AKAP12: variants seen among roughly 807,000 people sequenced by gnomAD.
The protein encoded by AKAP12 is A-kinase anchoring protein 12, also known as A-kinase anchor protein 12.
In AKAP12, 32 loss-of-function variants were observed where a neutral mutation model predicts 79.9. That is an observed-to-expected ratio of 0.40 (90% CI 0.30 to 0.54). The LOEUF is 0.54. AKAP12 is among the 20% of genes least tolerant of loss of function. The pLI, the probability that AKAP12 is intolerant of heterozygous loss-of-function variation, is 0.48. For synonymous variants in AKAP12, 808 were observed against 857.0 expected, an observed-to-expected ratio of 0.94 and a Z score of 1.00; for missense variants, 2,074 against 2,177.0, an observed-to-expected ratio of 0.95 and a Z score of 0.94.
intron 3 of AKAP12, among the ~76,000 whole-genome samples, chr6:151,332,033 G>GTTGTTTTTTTTT (rs1303327962): frequency 6.3e-5 from 5 of 79,680 alleles, no homozygotes; most frequent in Middle Eastern, 8.8e-3. Flanking sequence ...TTCTGGGTCT[G>GTTGTTTTTTTTT]TTTTTTTTTT....
Position 151,353,368 on chromosome 6 carries a change from C to T in AKAP12, c.4977C>T (p.Val1659=), listed in dbSNP as rs200457723. The T allele has an allele frequency of 1.1e-5, 18 of 1,614,072 alleles. No individual in the cohort carries two copies. The highest frequency in any genetic ancestry group is 1.1e-4 in the African/African-American group (8 of 75,026). ...TAAATGATCAGCAGCTGGAAGAGGT[C>T]GTCCTCCCATCTGAGGAAGAGGGAG... ...STVNDQQLEE[V]VLPSEEEGGG... Residue 1659 remains valine, a synonymous_variant, in exon 4 of 5, where the codon GTC becomes GTT. Coordinates refer to ENST00000402676, the MANE Select transcript of AKAP12 (RefSeq NM_005100.4).
At chr6:151,261,008 T>G (rs746752293) in intron 2 of AKAP12, among the ~76,000 whole-genome samples, 1 of 151,966 alleles carries the variant, frequency 6.6e-6, no homozygotes, top group African/African-American at 2.4e-5. Context: ...TCCATACTTT[T>G]CCTAAACTCT....
intron 3 of AKAP12, among the ~76,000 whole-genome samples, chr6:151,328,205 G>A (rs1040000676): frequency 1.3e-5 from 2 of 151,828 alleles, no homozygotes; most frequent in Non-Finnish European, 2.9e-5. Context: ...GCGGGTGCCT[G>A]TAGTCCCAGC....
At chr6:151,304,614 G>A (rs1776937669) in intron 2 of AKAP12, among the ~76,000 whole-genome samples, 1 of 150,324 alleles carries the variant, frequency 6.7e-6, no homozygotes, top group Non-Finnish European at 1.5e-5. Context: ...ACCCAGGCTG[G>A]AGTGCTGTGG....
intron 4 of AKAP12, among the ~76,000 whole-genome samples, chr6:151,354,405 G>A (rs912274948): frequency 1.3e-5 from 2 of 150,310 alleles, no homozygotes. Flanking sequence ...ACGGAGTCTC[G>A]CTCTGTCATC....
chr6:151,274,146 A>G (rs3002633), intron 2 of AKAP12, among the ~76,000 whole-genome samples: 95,648 of 151,082 alleles, frequency 0.63, 30,923 homozygotes, highest in African/African-American at 0.77. Context: ...ATCTCGGCTC[A>G]CTGCAACCTC....
chr6:151,336,508 G>T (rs995475925), intron 3 of AKAP12, among the ~76,000 whole-genome samples: 9 of 152,122 alleles, frequency 5.9e-5, no homozygotes, highest in African/African-American at 2.2e-4. Flanking sequence ...ACTTTGGGAG[G>T]CTGAGGCAGG....
intron 2 of AKAP12, among the ~76,000 whole-genome samples, chr6:151,273,166 C>A (rs2114714047): frequency 6.6e-6 from 1 of 152,284 alleles, no homozygotes; most frequent in East Asian, 1.9e-4. Flanking sequence ...CTCGGCCTCC[C>A]AAAGTGCTGA....
At chr6:151,271,273 A>G (rs1057085476) in intron 2 of AKAP12, among the ~76,000 whole-genome samples, 2 of 151,612 alleles carry the variant, frequency 1.3e-5, no homozygotes, top group Non-Finnish European at 2.9e-5. Context: ...TCCTGGGAAT[A>G]TATCCCTACA....
rs955856797 is a variant in AKAP12, at chr6:151,356,513, A to C, written c.*799A>C. On this transcript the variant is annotated 3_prime_UTR_variant, in exon 5 of 5. Transcript: ENST00000402676. ...GTTGTTTGGACCGATAAGTGTGCTT[A>C]ATCCTGAGGCAAAGTAGTGAATATG... The C allele has an allele frequency of 6.6e-6, 1 of 152,212 alleles. No homozygotes were observed. The highest frequency in any genetic ancestry group is 2.1e-4 in the South Asian group (1 of 4,834). 9.4% of individuals were successfully genotyped at this position (152,212 alleles called of 1,614,324 possible).
chr6:151,347,967 C>T (rs536576024), intron 3 of AKAP12, among the ~76,000 whole-genome samples: 8 of 151,604 alleles, frequency 5.3e-5, no homozygotes, highest in African/African-American at 1.9e-4. Flanking sequence ...GTCAGAAGAT[C>T]GAGACCATTC....
chr6:151,354,988 GTTTTC>G lies in AKAP12; in HGVS notation c.*13-734_*13-730del, dbSNP rs1480152907. Among the ~76,000 whole-genome samples, 57 of 151,682 alleles carry G rather than the reference GTTTTC, an allele frequency of 3.8e-4. 1 individual carries two copies. The highest frequency in any genetic ancestry group is 3.5e-3 in the Admixed American group (53 of 15,210). On this transcript the variant is annotated intron_variant, in intron 4 of 4. Transcript: ENST00000402676. ...GAGCCACTGTGCTCAACCCATCTTC[GTTTTC>G]TTTTGTTTTGTTTTGTTTTTGAGAC...
intron 3 of AKAP12, among the ~76,000 whole-genome samples, chr6:151,338,714 G>A (rs575434431): frequency 1.3e-5 from 2 of 152,292 alleles, no homozygotes; most frequent in East Asian, 3.9e-4. Context: ...CACTCCCAAA[G>A]TGCTGGGATT....
chr6:151,257,816 T>G (rs1309907003), intron 2 of AKAP12, among the ~76,000 whole-genome samples: 1 of 152,226 alleles, frequency 6.6e-6, no homozygotes, highest in African/African-American at 2.4e-5. Flanking sequence ...CTTATTAAGT[T>G]ACATCTGTCT....
At chr6:151,271,244 C>CA (rs1167695650) in intron 2 of AKAP12, among the ~76,000 whole-genome samples, 1 of 152,034 alleles carries the variant, frequency 6.6e-6, no homozygotes, top group East Asian at 1.9e-4. Flanking sequence ...ACTTCACTCC[C>CA]AGATAGTTCA....
At position 151,353,771 on chromosome 6, in the gene AKAP12, TA is replaced by T; in HGVS notation, c.*12+21del. On this transcript the variant is annotated intron_variant, in intron 4 of 4. Coordinates refer to ENST00000402676, the MANE Select transcript of AKAP12 (RefSeq NM_005100.4). ...CATGCAGGTAAGCTTCCTTGTCTTCTAAGATAATTTTTCTCTTTTATGCCAA... is the reference window on the plus strand; with the variant it reads ...CATGCAGGTAAGCTTCCTTGTCTTCTAGATAATTTTTCTCTTTTATGCCAA... The T allele has an allele frequency of 1.4e-6, 2 of 1,481,000 alleles. No homozygotes were observed. The highest frequency in any genetic ancestry group is 1.8e-6 in the Non-Finnish European group (2 of 1,113,956). The allele number at this position is 1,481,000 out of a possible 1,614,324, so 91.7% of individuals were successfully genotyped here.
At chr6:151,297,542 C>T (rs1334808507) in intron 2 of AKAP12, among the ~76,000 whole-genome samples, 1 of 148,444 alleles carries the variant, frequency 6.7e-6, no homozygotes, top group African/African-American at 2.5e-5. Context: ...CACTGTACTC[C>T]AGCCTGGAGG....
rs529616790 is a variant in AKAP12, at chr6:151,264,005, C to T, written c.162+23281C>T. Among the ~76,000 whole-genome samples the T allele has an allele frequency of 4.6e-5, 7 of 152,136 alleles. 1 individual carries two copies. The highest frequency in any genetic ancestry group is 1.7e-4 in the African/African-American group (7 of 41,486). On this transcript the variant is annotated intron_variant, in intron 2 of 4. Coordinates refer to ENST00000402676, the MANE Select transcript of AKAP12 (RefSeq NM_005100.4). Reference sequence around the variant, plus strand: ...CTTGCCCCTTTAAGCTGAGCCCACCCAGCTCAAATCTACACTGTCTGTTCT... The same window carrying T: ...CTTGCCCCTTTAAGCTGAGCCCACCTAGCTCAAATCTACACTGTCTGTTCT...
At chr6:151,347,888 TTGAC>T (rs35240435) in intron 3 of AKAP12, among the ~76,000 whole-genome samples, 71,464 of 149,132 alleles carry the variant, frequency 0.48, 20,656 homozygotes, top group Non-Finnish European at 0.65. Context: ...AATACAAAAA[TTGAC>T]TGGGCGTGTT....
Sources: allele counts gnomAD v4.1 joint callset (sites outside exome capture counted in the v4.1 genomes callset), GRCh38; gene constraint gnomAD v4.1.1; transcripts MANE v1.5; gene names NCBI Gene and HGNC (gene_info 2026-07-23, HGNC 2026-07-21).